SIRPA: variants seen among roughly 807,000 people sequenced by gnomAD.
The protein encoded by SIRPA is signal regulatory protein alpha, also known as tyrosine-protein phosphatase non-receptor type substrate 1.
In SIRPA, 9 loss-of-function variants were observed where a neutral mutation model predicts 50.3. That is an observed-to-expected ratio of 0.18 (90% CI 0.11 to 0.31). The LOEUF is 0.31. Ranked by LOEUF, SIRPA falls within the 10% of genes least tolerant of loss-of-function variation. The probability of loss-of-function intolerance (pLI) is 1.00; values close to 1 mark genes in which losing one functional copy is unlikely to be tolerated. For synonymous variants in SIRPA, 265 were observed against 284.1 expected (o/e 0.93, Z 0.68); for missense variants, 474 against 661.6 (o/e 0.72, Z 3.11).
rs1183823486 is a variant in SIRPA at position 1,927,001 on chromosome 20, A to T, written c.1202-874A>T. On this transcript the variant is annotated intron_variant, in intron 5 of 7. Transcript: ENST00000358771. This position sits in a 1 kb window ranked among gnomAD's most constrained non-coding sequence, Gnocchi z 6.5. ...TCCTATCACTGGATTCCCAGAGATGACTTGTGTCCAGCACTTTGCAACCTG... is the reference window on the plus strand; with the variant it reads ...TCCTATCACTGGATTCCCAGAGATGTCTTGTGTCCAGCACTTTGCAACCTG... 6.6e-6 allele frequency among the ~76,000 whole-genome samples: 1 copy of T among 152,194 alleles called. No individual in the cohort carries two copies. The highest frequency in any genetic ancestry group is 2.4e-5 in the African/African-American group (1 of 41,438).
At chr20:1,920,068 T>C (rs1985556504) in intron 2 of SIRPA, among the ~76,000 whole-genome samples, 2 of 152,208 alleles carry the variant, frequency 1.3e-5, no homozygotes, top group African/African-American at 4.8e-5. Context: ...AGGGTGGGGT[T>C]TGTATCCACT....
intron 1 of SIRPA, among the ~76,000 whole-genome samples, chr20:1,914,396 A>T (rs995438412): frequency 6.6e-6 from 1 of 152,312 alleles, no homozygotes; most frequent in African/African-American, 2.4e-5. Context: ...CCAGAGATCC[A>T]TCGAGGTGGG....
chr20:1,914,841 C>T (rs1985134564), intron 1 of SIRPA, among the ~76,000 whole-genome samples: 1 of 53,764 alleles, frequency 1.9e-5, no homozygotes, highest in African/African-American at 7.6e-5. Flanking sequence ...AGATGTGACT[C>T]TTCCAGAGAG....
At chr20:1,915,578 C>T (rs1985230121) in intron 2 of SIRPA, 123 bp downstream of exon 2, 1 of 1,189,204 alleles carries the variant, frequency 8.4e-7, no homozygotes, top group Non-Finnish European at 1.2e-6. Context: ...ATTGATGTCT[C>T]CCCCTTTTAC....
intron 1 of SIRPA, among the ~76,000 whole-genome samples, chr20:1,914,413 G>T (rs1985096406): frequency 6.6e-6 from 1 of 152,174 alleles, no homozygotes. Flanking sequence ...TGGGGTCATA[G>T]TAACTATTTT....
Position 1,927,114 on chromosome 20 carries a change from C to T in SIRPA, c.1202-761C>T, listed in dbSNP as rs148729608. On this transcript the variant is annotated intron_variant, in intron 5 of 7. Transcript: ENST00000358771. This position sits in a 1 kb window ranked among gnomAD's most constrained non-coding sequence, Gnocchi z 6.5. ...ATCCAGGACCTGCCCAGGCAGCAAG[C>T]GTTAACCCAGCAGCAAGAATTCTTG... 8.5e-5 allele frequency among the ~76,000 whole-genome samples: 13 copies of T among 152,364 alleles called. No individual in the cohort carries two copies. The highest frequency in any genetic ancestry group is 1.8e-4 in the Non-Finnish European group (12 of 68,034).
In SIRPA at chr20:1,937,060, C is replaced by G. The variant is rs978229994; in HGVS notation, c.1267-260C>G. Among the ~76,000 whole-genome samples the G allele has an allele frequency of 3.3e-5, 5 of 152,092 alleles. No individual in the cohort carries two copies. Among genetic ancestry groups the G allele is most frequent in the African/African-American group, 1.2e-4 (5 of 41,404 alleles). On this transcript the variant is annotated intron_variant, in intron 7 of 7. Transcript: ENST00000358771. The surrounding 1 kb of genome is among the most constrained non-coding windows in gnomAD (Gnocchi z 8.3). ...GAGGCAGGAACGGGAGGAGGTGACA[C>G]TGAGGCGGGGCTGTGAGGAGACTGC...
rs746304594 is a variant in SIRPA at position 1,937,512 on chromosome 20, C to G, written c.1459C>G (p.Pro487Ala). The G allele has an allele frequency of 2.8e-5, 45 of 1,614,156 alleles. 1 individual carries two copies. In the South Asian group the frequency reaches 4.6e-4, roughly 17 times the overall value. The change falls in exon 8 of 8, where the codon CCC becomes GCC. Residue 487 changes from proline to alanine, a missense_variant. Pro to Ala is a conservative substitution (Grantham distance 27, BLOSUM62 -1). This residue lies in a region of SIRPA where 180 missense variants were observed against 206.7 expected (regional missense o/e 0.87). Coordinates refer to ENST00000358771, the MANE Select transcript of SIRPA (RefSeq NM_001040023.2). The surrounding 1 kb of genome is among the most constrained non-coding windows in gnomAD (Gnocchi z 8.3). ...CAACCGGACCCCCAAGCAGCCGGCCCCCAAGCCTGAGCCGTCCTTCTCAGA... is the reference window on the plus strand; with the variant it reads ...CAACCGGACCCCCAAGCAGCCGGCCGCCAAGCCTGAGCCGTCCTTCTCAGA... ...HLNRTPKQPA[P>A]KPEPSFSEYA...
chr20:1,894,528 G>C (rs1472630323), upstream of SIRPA: 4 of 151,938 alleles, frequency 2.6e-5, no homozygotes, highest in Admixed American at 2.6e-4. This position sits in a 1 kb window ranked among gnomAD's most constrained non-coding sequence, Gnocchi z 4.0. Flanking sequence ...GTCCGGGCCC[G>C]GCAGGGACGG....
intron 2 of SIRPA, among the ~76,000 whole-genome samples, chr20:1,919,048 C>T (rs1257488011): frequency 2.6e-5 from 4 of 152,362 alleles, no homozygotes; most frequent in African/African-American, 9.6e-5. Flanking sequence ...CTTAGGGCAG[C>T]AGGCGCCTGG....
chr20:1,918,998 A>G (rs1006593671), intron 2 of SIRPA, among the ~76,000 whole-genome samples: 1 of 152,194 alleles, frequency 6.6e-6, no homozygotes, highest in Non-Finnish European at 1.5e-5. Context: ...AACCTCACAG[A>G]CCAGGAGTTG....
chr20:1,930,953 G>A (rs1681116444), intron 6 of SIRPA, among the ~76,000 whole-genome samples: 1 of 152,216 alleles, frequency 6.6e-6, no homozygotes, highest in Non-Finnish European at 1.5e-5. Flanking sequence ...TGGAAGAATA[G>A]GACATTGTCG....
Position 1,932,294 on chromosome 20 carries a change from A to G in SIRPA, c.1227-2421A>G, listed in dbSNP as rs1986338349. Among the ~76,000 whole-genome samples the G allele has an allele frequency of 6.6e-6, 1 of 152,160 alleles. No individual in the cohort carries two copies. Among genetic ancestry groups the G allele is most frequent in the Non-Finnish European group, 1.5e-5 (1 of 68,028 alleles). ...AGCCAGGTATGGGATAGAGCAGATCAAGGAGGTGGGGTCTGGGGCGAGCAG... is the reference window on the plus strand; with the variant it reads ...AGCCAGGTATGGGATAGAGCAGATCGAGGAGGTGGGGTCTGGGGCGAGCAG... On this transcript the variant is annotated intron_variant, in intron 6 of 7. Coordinates refer to ENST00000358771, the MANE Select transcript of SIRPA (RefSeq NM_001040023.2). The surrounding 1 kb of genome is among the most constrained non-coding windows in gnomAD (Gnocchi z 6.0).
intron 1 of SIRPA, among the ~76,000 whole-genome samples, chr20:1,912,938 C>T (rs1304907172): frequency 1.3e-5 from 2 of 152,240 alleles, no homozygotes; most frequent in Non-Finnish European, 1.5e-5. Flanking sequence ...GGATGGGCCT[C>T]CCGGGCCTCC....
intron 5 of SIRPA, among the ~76,000 whole-genome samples, chr20:1,925,858 CT>C (rs2122136252): frequency 6.6e-6 from 1 of 152,276 alleles, no homozygotes; most frequent in East Asian, 1.9e-4. Context: ...TTTCTGCAAC[CT>C]TTTTTTATTA....
intron 2 of SIRPA, among the ~76,000 whole-genome samples, chr20:1,917,075 C>T (rs1985350507): frequency 6.6e-6 from 1 of 152,164 alleles, no homozygotes; most frequent in Admixed American, 6.5e-5. Context: ...TCTGCTGACT[C>T]CTAGCAGAGT....
rs968838632 is a variant in SIRPA at position 1,927,585 on chromosome 20, A to G, written c.1202-290A>G. Among the ~76,000 whole-genome samples, 1 of 152,060 alleles carries G rather than the reference A, an allele frequency of 6.6e-6. No individual in the cohort carries two copies. Among genetic ancestry groups the G allele is most frequent in the East Asian group, 1.9e-4 (1 of 5,182 alleles). ...AGGTTTGTGGTTGAATGGAGGTGAG[A>G]CCCAGACAGAGGTAGGGCGGTTGTC... On this transcript the variant is annotated intron_variant, in intron 5 of 7. Transcript: ENST00000358771. This position sits in a 1 kb window ranked among gnomAD's most constrained non-coding sequence, Gnocchi z 6.5.
rs183040943 is a variant in SIRPA at position 1,917,739 on chromosome 20, A to G, written c.436+2284A>G. 2.0e-5 allele frequency among the ~76,000 whole-genome samples: 3 copies of G among 152,256 alleles called. No individual in the cohort carries two copies. The East Asian group carries it at 5.8e-4, about 29-fold the overall frequency. On this transcript the variant is annotated intron_variant, in intron 2 of 7. Transcript: ENST00000358771. ...CCACCTACTCACGGTGCTGAGGACT[A>G]AGGATGAGGAGATGAGGCATTTCCT...
rs116537249 is a variant in SIRPA, at chr20:1,936,894, A to C, written c.1267-426A>C. Among the ~76,000 whole-genome samples, 892 of 152,270 alleles carry C rather than the reference A, an allele frequency of 5.9e-3. 7 individuals are homozygous for C. The highest frequency in any genetic ancestry group is 0.02 in the African/African-American group (840 of 41,542). On this transcript the variant is annotated intron_variant, in intron 7 of 7. Transcript: ENST00000358771. The surrounding 1 kb of genome is among the most constrained non-coding windows in gnomAD (Gnocchi z 4.2). ...GACCCTGCCAGGAGAGGGGAGAGCCAGGGAGGGTCTTAGTATGAGCCATGC... is the reference window on the plus strand; with the variant it reads ...GACCCTGCCAGGAGAGGGGAGAGCCCGGGAGGGTCTTAGTATGAGCCATGC...
Sources: allele counts gnomAD v4.1 joint callset (sites outside exome capture counted in the v4.1 genomes callset), GRCh38; gene constraint gnomAD v4.1.1; regional missense constraint gnomAD v4.1.1; non-coding constraint Gnocchi (gnomAD v3.1); transcripts MANE v1.5; gene names NCBI Gene and HGNC (gene_info 2026-07-23, HGNC 2026-07-21).